CTNNA2: variants seen among roughly 807,000 people sequenced by gnomAD.
The protein encoded by CTNNA2 is catenin alpha 2, also known as catenin alpha-2.
A neutral mutation model predicts 101.0 loss-of-function variants in CTNNA2; 42 were observed. The ratio of observed to expected loss-of-function variants is 0.42; its 90% CI spans 0.32 to 0.54. The LOEUF (loss-of-function observed/expected upper bound fraction) is 0.54, where lower values mean the gene tolerates loss of function less well. CTNNA2 is among the 20% of genes least tolerant of loss of function. CTNNA2 has a pLI of 0.14. For synonymous variants in CTNNA2, 450 were observed against 456.4 expected (o/e 0.99, Z 0.18); for missense variants, 871 against 1,223.1 (o/e 0.71, Z 4.29).
intron 7 of CTNNA2, among the ~76,000 whole-genome samples, chr2:80,278,933 C>G (rs1674134903): frequency 6.6e-6 from 1 of 152,010 alleles, no homozygotes; most frequent in Admixed American, 6.6e-5. Context: ...CCACTGCACT[C>G]TAGCCTGGGT....
intron 13 of CTNNA2, among the ~76,000 whole-genome samples, chr2:80,578,272 AT>A (rs1223677965): frequency 1.3e-5 from 2 of 151,692 alleles, no homozygotes; most frequent in African/African-American, 4.9e-5. Context: ...TAGACTTTAA[AT>A]AGTTTCTGTT....
chr2:79,365,086 C>A (rs1208776562), intron 3 of CTNNA2, among the ~76,000 whole-genome samples: 1 of 151,800 alleles, frequency 6.6e-6, no homozygotes, highest in Non-Finnish European at 1.5e-5. Flanking sequence ...ACCAGCCTGG[C>A]CAACATGCTG....
At chr2:79,230,694 T>C (rs1284727512) in intron 2 of CTNNA2, among the ~76,000 whole-genome samples, 18 of 152,242 alleles carry the variant, frequency 1.2e-4, no homozygotes, top group Non-Finnish European at 1.2e-4. Context: ...CCTTGTACCA[T>C]GTGCCTGGAA....
At chr2:80,105,949 C>T (rs1039395188) in intron 7 of CTNNA2, among the ~76,000 whole-genome samples, 7 of 152,134 alleles carry the variant, frequency 4.6e-5, no homozygotes, top group Non-Finnish European at 1.0e-4. Context: ...TAGTGTTACC[C>T]ACACAACAGG....
intron 4 of CTNNA2, among the ~76,000 whole-genome samples, chr2:79,407,322 A>G (rs1372441271): frequency 6.6e-6 from 1 of 152,090 alleles, no homozygotes; most frequent in Non-Finnish European, 1.5e-5. Flanking sequence ...TAAGTAACAT[A>G]CAATGTAGGG....
intron 4 of CTNNA2, among the ~76,000 whole-genome samples, chr2:79,463,448 T>G (rs1368813233): frequency 3.3e-5 from 5 of 151,454 alleles, no homozygotes; most frequent in Non-Finnish European, 7.4e-5. Flanking sequence ...TGAGATGTTG[T>G]GTTTAGGCAT....
chr2:79,694,542 GTTT>G (rs138970422), intron 2 of CTNNA2, among the ~76,000 whole-genome samples: 2 of 147,934 alleles, frequency 1.4e-5, no homozygotes, highest in African/African-American at 2.5e-5. Context: ...TCATTTCTGT[GTTT>G]TTTTTTTAAC....
rs1351179456 is a variant in CTNNA2 at position 80,547,176 on chromosome 2, A to G, written c.1540+1113A>G. On this transcript the variant is annotated intron_variant, in intron 11 of 18. Transcript: ENST00000402739. ...AAATTCCCACTGGGGCTTGTCTGAG[A>G]ACTGTGTAGTCAAATCTGTAGATTT... Among the ~76,000 whole-genome samples, 10 of 152,280 alleles carry G rather than the reference A, an allele frequency of 6.6e-5. 1 individual carries two copies. The South Asian group carries it at 1.0e-3, about 16-fold the overall frequency.
chr2:79,186,802 A>G (rs1399152042), intron 1 of CTNNA2, among the ~76,000 whole-genome samples: 2 of 152,230 alleles, frequency 1.3e-5, no homozygotes, highest in Non-Finnish European at 2.9e-5. Context: ...GAGAGACAAA[A>G]CTTCACCACT....
chr2:79,705,448 A>G (rs1043151870), intron 2 of CTNNA2, among the ~76,000 whole-genome samples: 1 of 150,640 alleles, frequency 6.6e-6, no homozygotes, highest in Non-Finnish European at 1.5e-5. Context: ...GTATGTATGT[A>G]TAGGAAAAAA....
At chr2:80,043,022 TCTTTCTTTCTTTCTTTCC>T (rs1434483478) in intron 7 of CTNNA2, among the ~76,000 whole-genome samples, 86 of 44,222 alleles carry the variant, frequency 1.9e-3, no homozygotes, top group African/African-American at 0.01. Context: ...TCTTTCCCTT[TCTTTCTTTCTTTCTTTCC>T]TTCTTTCTTT....
At chr2:79,766,874 G>A (rs943427986) in intron 3 of CTNNA2, among the ~76,000 whole-genome samples, 21 of 152,012 alleles carry the variant, frequency 1.4e-4, no homozygotes, top group African/African-American at 3.9e-4. Context: ...TCCTGCCTCA[G>A]CCTCCCAAGT....
intron 7 of CTNNA2, among the ~76,000 whole-genome samples, chr2:80,384,454 A>G (rs1676809960): frequency 6.6e-6 from 1 of 151,978 alleles, no homozygotes; most frequent in Admixed American, 6.6e-5. Flanking sequence ...AAACAAAAAA[A>G]GGAAATAGGA....
chr2:80,271,069 G>A, intron 7 of CTNNA2, among the ~76,000 whole-genome samples: 1 of 152,162 alleles, frequency 6.6e-6, no homozygotes, highest in East Asian at 1.9e-4. Context: ...TGTAATGTGA[G>A]ATGCCCCTCT....
intron 2 of CTNNA2, among the ~76,000 whole-genome samples, chr2:79,280,313 A>G (rs970369895): frequency 9.2e-5 from 14 of 152,096 alleles, no homozygotes; most frequent in African/African-American, 3.4e-4. Context: ...GTGGAAGCCT[A>G]AAAACATGTG....
intron 3 of CTNNA2, among the ~76,000 whole-genome samples, chr2:79,837,341 T>C (rs751447299): frequency 4.6e-5 from 7 of 152,218 alleles, no homozygotes; most frequent in African/African-American, 7.2e-5. Flanking sequence ...TGCCTGTTTA[T>C]GTTCTAGCTG....
chr2:79,506,946 T>G (rs539975432), intron 5 of CTNNA2, among the ~76,000 whole-genome samples: 1 of 152,294 alleles, frequency 6.6e-6, no homozygotes, highest in East Asian at 1.9e-4. Flanking sequence ...TTTCCCTGTA[T>G]AATAGTCATG....
chr2:79,948,046 C>G (rs1316917063), intron 7 of CTNNA2, among the ~76,000 whole-genome samples: 7 of 152,128 alleles, frequency 4.6e-5, no homozygotes, highest in Non-Finnish European at 7.3e-5. Context: ...GTCTGCAGTC[C>G]CCTCATCACA....
At chr2:80,570,700 C>T (rs1443867374) in intron 12 of CTNNA2, among the ~76,000 whole-genome samples, 1 of 152,146 alleles carries the variant, frequency 6.6e-6, no homozygotes. Context: ...CTTGTACCCT[C>T]TCCCCTATCG....
Sources: gnomAD v4.1 joint callset for allele counts (sites outside exome capture counted in the v4.1 genomes callset) on GRCh38, gnomAD v4.1.1 for gene constraint, MANE v1.5 for transcripts, NCBI Gene and HGNC (gene_info 2026-07-23, HGNC 2026-07-21) for gene names.